Variants in PRRC1 observed in about 807,000 individuals in gnomAD.
The protein encoded by PRRC1 is protein PRRC1.
Under a neutral mutation model 40.7 loss-of-function variants are expected in PRRC1, and 39 were observed. That is an observed-to-expected ratio of 0.96 (90% CI 0.74 to 1.25). The LOEUF (loss-of-function observed/expected upper bound fraction) is 1.25. PRRC1 is among the 50% of genes most tolerant of loss of function. The pLI is 0.00. For synonymous variants in PRRC1, 175 were observed against 193.3 expected (o/e 0.91, Z 0.79); for missense variants, 573 against 548.3 (o/e 1.05, Z -0.45).
chr5:127,524,782 A>C lies in PRRC1; in HGVS notation c.355A>C (p.Thr119Pro). 1.9e-6 allele frequency: 3 copies of C among 1,612,904 alleles called. No homozygotes were observed. Among genetic ancestry groups the C allele is most frequent in the Non-Finnish European group, 2.5e-6 (3 of 1,179,746 alleles). ...HFPPSTSAPN[T>P]LLPAPPSGPP... is the part of the protein sequence containing the mutation. ...CCCACCTTCAACTTCTGCCCCAAAC[A>C]CTCTTTTACCTGCACCCCCTTCGGG... The change falls in exon 3 of 9, where the codon ACT becomes CCT. Residue 119 changes from threonine (T) to proline (P), a missense_variant. Transcript: ENST00000296666.
At position 127,553,411 on chromosome 5, in the gene PRRC1, G is replaced by A; in HGVS notation, c.*1495G>A. The A allele has an allele frequency of 3.9e-6, 4 of 1,034,310 alleles. No individual in the cohort carries two copies. Among genetic ancestry groups the A allele is most frequent in the Non-Finnish European group, 4.6e-6 (4 of 862,660 alleles). 64.1% of individuals were successfully genotyped at this position (1,034,310 alleles called of 1,614,324 possible). A position where few individuals can be genotyped will look rare whatever the true frequency, so the allele number is the denominator to read the frequency against. The stretch of plus-strand genomic sequence containing the variant: ...AGACTTCCGTGTCATTAAAAGTCAT[G>A]AGAGACAGCACAGAGAGGTTATAGG... On this transcript the variant is annotated 3_prime_UTR_variant, in exon 9 of 9. Transcript: ENST00000296666.
At chr5:127,528,311 CTCTTT>C (rs770266675) in intron 4 of PRRC1, among the ~76,000 whole-genome samples, 3 of 151,384 alleles carry the variant, frequency 2.0e-5, no homozygotes, top group Non-Finnish European at 4.4e-5. Context: ...TTCTTTTCTT[CTCTTT>C]TCTTTTCTCT....
In PRRC1 at chr5:127,538,511, T is replaced by C. The variant is rs116839097; in HGVS notation, c.922-529T>C. ...ATGGTAATTATTTTGTTGAATAAGC[T>C]GTGGTGTAATGTATACATTTGCAGC... On this transcript the variant is annotated intron_variant, in intron 6 of 8. Coordinates refer to ENST00000296666, the MANE Select transcript of PRRC1 (RefSeq NM_130809.5). 7.8e-3 allele frequency among the ~76,000 whole-genome samples: 1,192 copies of C among 152,206 alleles called. 10 individuals are homozygous for C. Among genetic ancestry groups the C allele is most frequent in the Non-Finnish European group, 0.014 (954 of 67,944 alleles).
rs1298962138 is a variant in PRRC1 at position 127,553,740 on chromosome 5, CTT to C, written c.*1828_*1829del. ...TTTTATTTTACCAAGTCACAAATGT[CTT>C]TTTGATGTTTTGAGAATTGTTCTCA... is the stretch of plus-strand genomic sequence containing the variant. On this transcript the variant is annotated 3_prime_UTR_variant, in exon 9 of 9. Coordinates refer to ENST00000296666, the MANE Select transcript of PRRC1 (RefSeq NM_130809.5). 6.6e-7 allele frequency: 1 copy of C among 1,516,820 alleles called. No individual in the cohort carries two copies. Among genetic ancestry groups the C allele is most frequent in the South Asian group, 1.2e-5 (1 of 80,128 alleles). The allele number at this position is 1,516,820 out of a possible 1,614,324, so 94.0% of individuals were successfully genotyped here. A position where few individuals can be genotyped will look rare whatever the true frequency, so the allele number is the denominator to read the frequency against.
chr5:127,542,202 C>T (rs1341124072), intron 7 of PRRC1, among the ~76,000 whole-genome samples: 1 of 152,110 alleles, frequency 6.6e-6, no homozygotes, highest in Non-Finnish European at 1.5e-5. Context: ...GTTTCTTAAT[C>T]CTGAGTTCTA....
At chr5:127,535,793 T>C (rs953951009) in intron 6 of PRRC1, among the ~76,000 whole-genome samples, 40 of 152,118 alleles carry the variant, frequency 2.6e-4, no homozygotes, top group African/African-American at 6.8e-4. Context: ...GCATATTTCA[T>C]TGGGGAAAAA....
chr5:127,530,465 T>A (rs1033410328), intron 5 of PRRC1, 69 bp downstream of exon 5: 17 of 884,256 alleles, frequency 1.9e-5, no homozygotes, highest in Non-Finnish European at 2.6e-5. Flanking sequence ...AGCCACTAAT[T>A]GTAATTCTCT....
chr5:127,538,926 G>T, intron 6 of PRRC1, 114 bp from the exon 7 acceptor site: 1 of 619,890 alleles, frequency 1.6e-6, no homozygotes. Flanking sequence ...CGTTTACAGT[G>T]AGTATATATA....
intron 1 of PRRC1, among the ~76,000 whole-genome samples, chr5:127,519,734 A>G (rs1487866694): frequency 6.6e-6 from 1 of 152,228 alleles, no homozygotes; most frequent in African/African-American, 2.4e-5. Context: ...ACGTTAGACT[A>G]TCAGTACACT....
At chr5:127,534,256 A>G (rs1279799016) in intron 6 of PRRC1, among the ~76,000 whole-genome samples, 1 of 152,164 alleles carries the variant, frequency 6.6e-6, no homozygotes, top group Non-Finnish European at 1.5e-5. Context: ...ATTGGCATAC[A>G]AACATCTTTC....
At chr5:127,545,987 T>G (rs1768208885) in intron 7 of PRRC1, among the ~76,000 whole-genome samples, 2 of 152,312 alleles carry the variant, frequency 1.3e-5, no homozygotes, top group South Asian at 4.1e-4. Context: ...TGGATTAATA[T>G]CTTCAGTTTT....
At chr5:127,544,554 T>C (rs1389663015) in intron 7 of PRRC1, among the ~76,000 whole-genome samples, 2 of 152,346 alleles carry the variant, frequency 1.3e-5, no homozygotes, top group South Asian at 4.1e-4. Flanking sequence ...TTCCCGGCTG[T>C]TTTGTTTACC....
At chr5:127,533,889 C>G (rs1767835348) in intron 6 of PRRC1, 103 bp downstream of exon 6, 5 of 1,233,642 alleles carry the variant, frequency 4.1e-6, no homozygotes, top group Non-Finnish European at 5.9e-6. Flanking sequence ...CTTTTACATA[C>G]TGAAATAACA....
intron 7 of PRRC1, among the ~76,000 whole-genome samples, chr5:127,543,524 T>A (rs2127111562): frequency 1.3e-5 from 2 of 152,308 alleles, no homozygotes; most frequent in East Asian, 3.9e-4. Context: ...CAGACGTAGA[T>A]TTGGTCTTTT....
Position 127,552,286 on chromosome 5 carries a change from G to T in PRRC1, c.*370G>T. Reference sequence around the variant, plus strand: ...AGAAGACATTATTAAAGAACATGTTGGTTGAATGTTTATAAAAGCATGATT... The same window carrying T: ...AGAAGACATTATTAAAGAACATGTTTGTTGAATGTTTATAAAAGCATGATT... On this transcript the variant is annotated 3_prime_UTR_variant, in exon 9 of 9. Transcript: ENST00000296666. The T allele has an allele frequency of 9.6e-7, 1 of 1,038,210 alleles. No homozygotes were observed. The highest frequency in any genetic ancestry group is 1.2e-6 in the Non-Finnish European group (1 of 861,172). The allele number at this position is 1,038,210 out of a possible 1,614,324, so 64.3% of individuals were successfully genotyped here.
chr5:127,530,929 G>C (rs928412227), intron 5 of PRRC1, among the ~76,000 whole-genome samples: 4 of 152,160 alleles, frequency 2.6e-5, no homozygotes, highest in African/African-American at 9.7e-5. Context: ...ACAGTTGATA[G>C]ATACTGTCTG....
chr5:127,533,478 T>C (rs2127101021), intron 5 of PRRC1, 145 bp from the exon 6 acceptor site: 1 of 745,288 alleles, frequency 1.3e-6, no homozygotes. Flanking sequence ...CTCAAGCATA[T>C]AAAAAAGATA....
chr5:127,537,288 G>T (rs749275714), intron 6 of PRRC1, among the ~76,000 whole-genome samples: 18 of 151,576 alleles, frequency 1.2e-4, no homozygotes, highest in Admixed American at 2.6e-4. Context: ...TTTTAATATG[G>T]TCTCTAAACT....
intron 7 of PRRC1, among the ~76,000 whole-genome samples, chr5:127,542,141 C>T (rs942748016): frequency 5.9e-5 from 9 of 152,166 alleles, no homozygotes; most frequent in African/African-American, 2.2e-4. Context: ...ACCCAGTAGT[C>T]ATTCAGGAGC....
Sources: allele counts gnomAD v4.1 joint callset (sites outside exome capture counted in the v4.1 genomes callset), GRCh38; gene constraint gnomAD v4.1.1; transcripts MANE v1.5; gene names NCBI Gene and HGNC (gene_info 2026-07-23, HGNC 2026-07-21).